The following CHST15 variants were observed in gnomAD, a reference collection of about 807,000 sequenced individuals.
CHST15 encodes the protein B cell RAG associated protein (GALNAC4S-6ST).
In CHST15, 30 loss-of-function variants were observed where a neutral mutation model predicts 53.6. The ratio of observed to expected loss-of-function variants is 0.56; its 90% CI spans 0.42 to 0.76. CHST15 has a LOEUF of 0.76. Among genes scored for constraint, CHST15 ranks in the 30% least tolerant of loss-of-function variants. The probability of loss-of-function intolerance (pLI) is 0.00; values close to 1 mark genes in which losing one functional copy is unlikely to be tolerated. For synonymous variants in CHST15, 296 were observed against 289.8 expected (o/e 1.02, Z -0.22); for missense variants, 627 against 740.5 (o/e 0.85, Z 1.78).
chr10:124,068,241 G>T (rs978921587), intron 1 of CHST15, among the ~76,000 whole-genome samples: 6 of 152,114 alleles, frequency 3.9e-5, no homozygotes, highest in African/African-American at 1.2e-4. Context: ...CCAGGACATG[G>T]GTTATCTAGA....
chr10:124,082,689 G>C, intron 1 of CHST15, among the ~76,000 whole-genome samples: 1 of 152,212 alleles, frequency 6.6e-6, no homozygotes, highest in Non-Finnish European at 1.5e-5. Flanking sequence ...TGGACAAATG[G>C]ATCCATGAAA....
intron 5 of CHST15, among the ~76,000 whole-genome samples, chr10:124,033,466 G>A (rs1375872698): frequency 6.6e-6 from 1 of 152,176 alleles, no homozygotes; most frequent in Non-Finnish European, 1.5e-5. Context: ...AGTGATCCCC[G>A]GTTCTTGGTA....
chr10:124,083,507 T>C (rs1949318775), intron 1 of CHST15, among the ~76,000 whole-genome samples: 1 of 152,170 alleles, frequency 6.6e-6, no homozygotes, highest in Non-Finnish European at 1.5e-5. Flanking sequence ...TCTTTTCCTT[T>C]TTTTTGCCTG....
intron 5 of CHST15, among the ~76,000 whole-genome samples, chr10:124,035,785 A>G (rs997957764): frequency 3.9e-5 from 6 of 152,148 alleles, no homozygotes; most frequent in African/African-American, 1.4e-4. Flanking sequence ...TTCAAAACCC[A>G]GTCTGGCATC....
chr10:124,009,666 T>C lies in CHST15; in HGVS notation c.*483A>G, dbSNP rs1310258527. On this transcript the variant is annotated 3_prime_UTR_variant, in exon 8 of 8. Transcript: ENST00000435907. ...TGATCACACCTGTGAAGATAGCCAT[T>C]GAATACAGACAGTCTGTGCAACACG... 2 of 1,002,554 alleles carry C rather than the reference T, an allele frequency of 2.0e-6. No homozygotes were observed. Among genetic ancestry groups the C allele is most frequent in the East Asian group, 1.1e-4 (1 of 9,258 alleles). The allele number at this position is 1,002,554 out of a possible 1,614,324, so 62.1% of individuals were successfully genotyped here. A position where few individuals can be genotyped will look rare whatever the true frequency, so the allele number is the denominator to read the frequency against.
chr10:124,037,900 G>A (rs574760373), intron 5 of CHST15, among the ~76,000 whole-genome samples: 1 of 152,166 alleles, frequency 6.6e-6, no homozygotes, highest in Non-Finnish European at 1.5e-5. Context: ...TTCTAAGGGT[G>A]TTTCCCTCGC....
At chr10:124,086,530 G>C (rs955709321) in intron 1 of CHST15, among the ~76,000 whole-genome samples, 1 of 152,212 alleles carries the variant, frequency 6.6e-6, no homozygotes. Context: ...CAGCTCCGCA[G>C]GCAATGGGGT....
At chr10:124,011,403 G>T (rs1188386476) in intron 7 of CHST15, 5 of 985,270 alleles carry the variant, frequency 5.1e-6, no homozygotes, top group Non-Finnish European at 6.0e-6. Flanking sequence ...GGAAGGGAAA[G>T]AACTCATCAA....
chr10:124,088,432 C>T (rs555882527), intron 1 of CHST15, among the ~76,000 whole-genome samples: 4 of 152,358 alleles, frequency 2.6e-5, no homozygotes, highest in Admixed American at 2.6e-4. Context: ...AGACAGCCTC[C>T]TTTCCTCTCC....
At chr10:124,068,693 G>A (rs540394378) in intron 1 of CHST15, among the ~76,000 whole-genome samples, 11 of 152,076 alleles carry the variant, frequency 7.2e-5, no homozygotes, top group Non-Finnish European at 1.5e-4. Context: ...TTCTAAGTCC[G>A]TTGTGAAAAG....
At chr10:124,089,458 T>A (rs1269275604) in intron 1 of CHST15, among the ~76,000 whole-genome samples, 1 of 152,052 alleles carries the variant, frequency 6.6e-6, no homozygotes, top group African/African-American at 2.4e-5. Flanking sequence ...ACAGGGAGTG[T>A]CCACACCTCT....
rs1212701277 is a variant in CHST15, at chr10:124,009,441, G to C, written c.*708C>G. On this transcript the variant is annotated 3_prime_UTR_variant, in exon 8 of 8. Transcript: ENST00000435907. ...AATAGGAGGAGGTCAGAAAGATGAA[G>C]GTGCTGCCAAAAACTGACTTATTTT... 1 of 988,768 alleles carries C rather than the reference G, an allele frequency of 1.0e-6. No homozygotes were observed. The highest frequency in any genetic ancestry group is 1.1e-4 in the East Asian group (1 of 8,892). 61.2% of individuals were successfully genotyped at this position (988,768 alleles called of 1,614,324 possible).
Position 124,045,921 on chromosome 10 carries a change from G to A in CHST15, c.292C>T (p.Leu98Phe). 6.2e-7 allele frequency: 1 copy of A among 1,613,884 alleles called. No individual in the cohort carries two copies. The highest frequency in any genetic ancestry group is 1.1e-5 in the South Asian group (1 of 91,058). The stretch of plus-strand genomic sequence containing the variant: ...AGAAGCTCTTGGTGGGCCCCAGAAA[G>A]GATGTAAGAAGCCATTACCAAGGTC... Reference protein sequence around the residue: ...IMTLVMASYILSGAHQELLIS... With the variant: ...IMTLVMASYIFSGAHQELLIS... Residue 98 changes from leucine (L) to phenylalanine (F), a missense_variant, in exon 2 of 8, where the codon CTT becomes TTT. This residue lies in a region of CHST15 where 187 missense variants were observed against 251.8 expected (regional missense o/e 0.74). Coordinates refer to ENST00000435907, the MANE Select transcript of CHST15 (RefSeq NM_001270764.2).
intron 4 of CHST15, among the ~76,000 whole-genome samples, chr10:124,041,306 A>G (rs1235820207): frequency 2.0e-5 from 3 of 152,236 alleles, no homozygotes; most frequent in Non-Finnish European, 4.4e-5. Flanking sequence ...TAAAAAATAG[A>G]TCACTATCTA....
chr10:124,045,245 G>C (rs377078279), intron 2 of CHST15, among the ~76,000 whole-genome samples: 2 of 150,048 alleles, frequency 1.3e-5, no homozygotes, highest in Non-Finnish European at 3.0e-5. Context: ...TAATTAAGCA[G>C]AATCTTTTTA....
At chr10:124,034,341 T>C (rs574330702) in intron 5 of CHST15, among the ~76,000 whole-genome samples, 87 of 152,246 alleles carry the variant, frequency 5.7e-4, no homozygotes, top group Non-Finnish European at 9.1e-4. Flanking sequence ...AGCCTCCTTC[T>C]AGCTGGCAGA....
At chr10:124,021,861 A>G (rs1056078600) in intron 5 of CHST15, among the ~76,000 whole-genome samples, 3 of 152,222 alleles carry the variant, frequency 2.0e-5, no homozygotes, top group African/African-American at 7.2e-5. Flanking sequence ...ACAATTCCGC[A>G]TGAAATTCCC....
intron 1 of CHST15, among the ~76,000 whole-genome samples, chr10:124,060,886 G>C (rs1022408712): frequency 1.3e-5 from 2 of 152,186 alleles, no homozygotes; most frequent in Non-Finnish European, 2.9e-5. Context: ...AGTACGAAGA[G>C]GAAAGTTTGA....
intron 1 of CHST15, among the ~76,000 whole-genome samples, chr10:124,080,864 CCAAT>C (rs1311412610): frequency 3.3e-5 from 5 of 152,188 alleles, no homozygotes; most frequent in Admixed American, 3.3e-4. Context: ...GTCCATCGGC[CCAAT>C]CATTCTTTCC....
Sources: allele counts gnomAD v4.1 joint callset (sites outside exome capture counted in the v4.1 genomes callset), GRCh38; gene constraint gnomAD v4.1.1; regional missense constraint gnomAD v4.1.1; transcripts MANE v1.5; gene names NCBI Gene and HGNC (gene_info 2026-07-23, HGNC 2026-07-21).